Variants in ARMC2 observed in about 807,000 individuals in gnomAD.
ARMC2 encodes armadillo repeat-containing protein 2.
Under a neutral mutation model 90.3 loss-of-function variants are expected in ARMC2, and 67 were observed. The ratio of observed to expected loss-of-function variants is 0.74; its 90% CI spans 0.61 to 0.91. The LOEUF (loss-of-function observed/expected upper bound fraction) is 0.91, where lower values mean the gene tolerates loss of function less well. Ranked by LOEUF, ARMC2 falls within the 40% of genes least tolerant of loss-of-function variation. ARMC2 has a pLI of 0.00. For synonymous variants in ARMC2, 393 were observed against 393.0 expected (o/e 1.00, Z 0.00); for missense variants, 920 against 1,030.9 (o/e 0.89, Z 1.47).
At chr6:108,938,527 A>G (rs9398181) in intron 12 of ARMC2, among the ~76,000 whole-genome samples, 44,047 of 146,700 alleles carry the variant, frequency 0.3, 8,165 homozygotes, top group East Asian at 0.59. Flanking sequence ...CTCAAAAGAG[A>G]TCTATTTATA....
At chr6:108,989,527 CTA>C in the ARMC2 span, among the ~76,000 whole-genome samples, 3 of 143,918 alleles carry the variant, frequency 2.1e-5, no homozygotes, top group Admixed American at 2.1e-4. Context: ...AGAGAGATAT[CTA>C]TAGAGATAGA....
chr6:108,879,943 G>A, intron 5 of ARMC2: 1 of 470,706 alleles, frequency 2.1e-6, no homozygotes, highest in South Asian at 1.5e-5. Flanking sequence ...ACTGTAGATT[G>A]TGGAATGATG....
intron 3 of ARMC2, 103 bp downstream of exon 3, chr6:108,858,374 T>C (rs755731257): frequency 1.3e-6 from 1 of 765,540 alleles, no homozygotes; most frequent in Non-Finnish European, 2.1e-6. Context: ...ATAATTATCA[T>C]GTACACCTAA....
intron 4 of ARMC2, among the ~76,000 whole-genome samples, chr6:108,874,080 A>C (rs1485297027): frequency 6.6e-6 from 1 of 152,224 alleles, no homozygotes; most frequent in Non-Finnish European, 1.5e-5. Flanking sequence ...CCCACGATCC[A>C]TTACAAAATT....
intron 12 of ARMC2, among the ~76,000 whole-genome samples, chr6:108,947,178 G>A (rs1448313417): frequency 1.3e-5 from 2 of 152,114 alleles, no homozygotes; most frequent in Non-Finnish European, 2.9e-5. Flanking sequence ...ATTTTGAGAT[G>A]ACAGAGTCGA....
At chr6:108,894,390 A>G in intron 5 of ARMC2, 77 bp from the exon 6 acceptor site, 1 of 1,238,642 alleles carries the variant, frequency 8.1e-7, no homozygotes, top group Non-Finnish European at 1.1e-6. Context: ...AAGAAACTGT[A>G]TATAGCAGAC....
chr6:108,873,595 A>T (rs1160606729), intron 4 of ARMC2, among the ~76,000 whole-genome samples: 1 of 152,232 alleles, frequency 6.6e-6, no homozygotes, highest in Non-Finnish European at 1.5e-5. Flanking sequence ...AAAATTATTA[A>T]GAGTTTCAAG....
intron 10 of ARMC2, among the ~76,000 whole-genome samples, chr6:108,915,774 C>G (rs1773900040): frequency 6.6e-6 from 1 of 152,018 alleles, no homozygotes; most frequent in African/African-American, 2.4e-5. Flanking sequence ...TACCAGCTGC[C>G]AAGAGTGGAC....
rs138720060 is a variant in ARMC2 at position 108,962,697 on chromosome 6, T to A, written c.2152+570T>A. Among the ~76,000 whole-genome samples the A allele has an allele frequency of 7.9e-3, 1,209 of 152,344 alleles. 24 individuals are homozygous for A. The highest frequency in any genetic ancestry group is 0.028 in the African/African-American group (1,154 of 41,566). ...CAGTATAAATAGTAATTGGAAATAG[T>A]AAACTCCAATTTAAGACAGAGTTCA... On this transcript the variant is annotated intron_variant, in intron 15 of 17. Transcript: ENST00000392644.
intron 12 of ARMC2, among the ~76,000 whole-genome samples, chr6:108,952,132 C>T (rs1323164899): frequency 6.6e-5 from 10 of 152,202 alleles, no homozygotes; most frequent in Non-Finnish European, 1.3e-4. Flanking sequence ...TGTAGCCCTC[C>T]AATGAGTATT....
chr6:108,930,905 T>C (rs1775510024), intron 11 of ARMC2, among the ~76,000 whole-genome samples: 2 of 141,146 alleles, frequency 1.4e-5, no homozygotes, highest in Admixed American at 8.0e-5. Context: ...CCCACCCCCT[T>C]TTTTTTTTTT....
At chr6:108,931,306 C>A (rs1413148522) in intron 11 of ARMC2, among the ~76,000 whole-genome samples, 1 of 151,906 alleles carries the variant, frequency 6.6e-6, no homozygotes, top group African/African-American at 2.4e-5. Flanking sequence ...ACCACATTTT[C>A]TTTATCCAAT....
chr6:109,049,670 T>C, the ARMC2 span, among the ~76,000 whole-genome samples: 1 of 150,758 alleles, frequency 6.6e-6, no homozygotes, highest in African/African-American at 2.4e-5. Flanking sequence ...AGTTAAAAAA[T>C]AAAAAATAAA....
intron 6 of ARMC2, among the ~76,000 whole-genome samples, chr6:108,895,443 C>T (rs1030033497): frequency 3.5e-5 from 5 of 144,002 alleles, no homozygotes; most frequent in South Asian, 2.2e-4. Flanking sequence ...TAGACCACGC[C>T]GCTGCACTCC....
intron 8 of ARMC2, among the ~76,000 whole-genome samples, chr6:108,908,499 A>G (rs1315170186): frequency 6.6e-6 from 1 of 152,210 alleles, no homozygotes; most frequent in Non-Finnish European, 1.5e-5. Flanking sequence ...AAGTAACTGA[A>G]AACTCATTAA....
chr6:109,009,483 A>G, the ARMC2 span: 1 of 1,242,362 alleles, frequency 8.0e-7, no homozygotes. Flanking sequence ...ACGGCTGCGG[A>G]CGCGCGGAGG....
In ARMC2 at chr6:108,953,110, A is replaced by G; in HGVS notation, c.1674A>G (p.Lys558=). The stretch of plus-strand genomic sequence containing the variant: ...ACCAGGCTCGTGAACAATTTTCCAA[A>G]GAGAAAGGGAGCATCCAAACTCTGC... ...KNNQAREQFS[K]EKGSIQTLLS... The change falls in exon 13 of 18, where the codon AAA becomes AAG. Residue 558 remains lysine (K), a synonymous_variant. Transcript: ENST00000392644. The G allele has an allele frequency of 6.2e-7, 1 of 1,613,952 alleles. No homozygotes were observed. The highest frequency in any genetic ancestry group is 8.5e-7 in the Non-Finnish European group (1 of 1,179,858).
chr6:108,888,793 G>A (rs868567330), intron 5 of ARMC2, among the ~76,000 whole-genome samples: 2 of 152,048 alleles, frequency 1.3e-5, no homozygotes, highest in Admixed American at 6.6e-5. Flanking sequence ...CTTGACTTAC[G>A]GAACCTCTTG....
chr6:108,862,363 A>AAAAAAAAAAAAAAC (rs1562325611), intron 3 of ARMC2, among the ~76,000 whole-genome samples: 5 of 149,320 alleles, frequency 3.3e-5, no homozygotes, highest in African/African-American at 1.3e-4. Flanking sequence ...AAAAAACAAA[A>AAAAAAAAAAAAAAC]AAAACAAACA....
Sources: allele counts gnomAD v4.1 joint callset (sites outside exome capture counted in the v4.1 genomes callset), GRCh38; gene constraint gnomAD v4.1.1; transcripts MANE v1.5; gene names NCBI Gene and HGNC (gene_info 2026-07-23, HGNC 2026-07-21).